Variants in GRIK2 observed in about 807,000 individuals in gnomAD.
GRIK2 encodes glutamate ionotropic receptor kainate type subunit 2.
In GRIK2, 32 loss-of-function variants were observed where a neutral mutation model predicts 100.3. That is an observed-to-expected ratio of 0.32 (90% CI 0.24 to 0.43). GRIK2 has a LOEUF of 0.43. Ranked by LOEUF, GRIK2 falls within the 20% of genes least tolerant of loss-of-function variation. The pLI is 1.00. For synonymous variants in GRIK2, 417 were observed against 389.4 expected (o/e 1.07, Z -0.83); for missense variants, 843 against 1,114.9 (o/e 0.76, Z 3.47).
chr6:101,876,952 T>C (rs975429621), intron 11 of GRIK2, among the ~76,000 whole-genome samples: 10 of 151,952 alleles, frequency 6.6e-5, no homozygotes, highest in African/African-American at 1.9e-4. Flanking sequence ...TGTTATGGTT[T>C]GTCATAACAG....
intron 16 of GRIK2, chr6:102,065,981 C>T: frequency 9.8e-7 from 1 of 1,019,146 alleles, no homozygotes; most frequent in Non-Finnish European, 1.3e-6. Context: ...TGTCAGGTGC[C>T]ACATAAATCC....
intron 7 of GRIK2, among the ~76,000 whole-genome samples, chr6:101,795,933 C>T (rs549514523): frequency 3.9e-5 from 6 of 152,158 alleles, no homozygotes; most frequent in Non-Finnish European, 8.8e-5. Context: ...ATAATCTCTA[C>T]CTTTTCTTAT....
intron 12 of GRIK2, among the ~76,000 whole-genome samples, chr6:101,905,300 G>A (rs1365285359): frequency 6.6e-6 from 1 of 151,484 alleles, no homozygotes; most frequent in African/African-American, 2.4e-5. Context: ...CATCCTGCAA[G>A]GCATTCACTC....
chr6:101,900,404 C>G (rs766481659), intron 12 of GRIK2, among the ~76,000 whole-genome samples: 17 of 152,062 alleles, frequency 1.1e-4, no homozygotes, highest in South Asian at 6.2e-4. Context: ...GCAGAGGTAG[C>G]GGTGAGCCGA....
intron 10 of GRIK2, among the ~76,000 whole-genome samples, chr6:101,847,488 T>C (rs1020931914): frequency 2.8e-4 from 43 of 152,178 alleles, no homozygotes; most frequent in Non-Finnish European, 1.0e-4. Context: ...GTCTGTATTT[T>C]TTGTTCTGGG....
At chr6:101,852,777 G>A (rs535961076) in intron 10 of GRIK2, among the ~76,000 whole-genome samples, 2 of 152,224 alleles carry the variant, frequency 1.3e-5, no homozygotes, top group South Asian at 4.1e-4. Flanking sequence ...TCACCACAGG[G>A]CTTCTTCCCT....
chr6:101,417,321 A>G lies in GRIK2; in HGVS notation c.115+17929A>G, dbSNP rs143289363. On this transcript the variant is annotated intron_variant, in intron 2 of 16. Coordinates refer to ENST00000369134, the MANE Select transcript of GRIK2 (RefSeq NM_021956.5). The stretch of plus-strand genomic sequence containing the variant: ...GAGATTTGGTTGGGGACACAGCCAA[A>G]CCATATCAGTGACTTACATGTATGT... 1.8e-4 allele frequency among the ~76,000 whole-genome samples: 27 copies of G among 152,224 alleles called. No individual in the cohort carries two copies. The East Asian group carries it at 3.9e-3, about 22-fold the overall frequency.
chr6:101,519,902 G>A (rs1774795037), intron 2 of GRIK2, among the ~76,000 whole-genome samples: 1 of 152,008 alleles, frequency 6.6e-6, no homozygotes, highest in Non-Finnish European at 1.5e-5. Flanking sequence ...TTGATGACTT[G>A]CCTATTTGTT....
intron 10 of GRIK2, among the ~76,000 whole-genome samples, chr6:101,856,158 T>C (rs1046713730): frequency 2.0e-5 from 3 of 152,086 alleles, no homozygotes; most frequent in Admixed American, 6.6e-5. Context: ...CAAGTAGTAG[T>C]GGGGAGGTAA....
chr6:101,794,579 G>A (rs970008304), intron 7 of GRIK2, among the ~76,000 whole-genome samples: 4 of 151,418 alleles, frequency 2.6e-5, no homozygotes, highest in South Asian at 2.1e-4. Context: ...AATTTGTTTG[G>A]TTCTTTTATA....
chr6:101,676,066 C>A (rs1770815247), intron 4 of GRIK2, among the ~76,000 whole-genome samples: 1 of 152,108 alleles, frequency 6.6e-6, no homozygotes, highest in Non-Finnish European at 1.5e-5. Context: ...ATAATAATCA[C>A]TGACTTACAA....
chr6:101,673,209 G>T (rs1410736714), intron 4 of GRIK2, among the ~76,000 whole-genome samples: 1 of 152,120 alleles, frequency 6.6e-6, no homozygotes, highest in Admixed American at 6.6e-5. Context: ...GACATGAAAA[G>T]ACACTTCCAA....
At chr6:101,420,045 TTAA>T (rs1554196974) in intron 2 of GRIK2, among the ~76,000 whole-genome samples, 1 of 152,200 alleles carries the variant, frequency 6.6e-6, no homozygotes, top group Non-Finnish European at 1.5e-5. Flanking sequence ...AACAGTGAAA[TTAA>T]TAATGATGAT....
At chr6:102,033,071 C>T (rs1770081858) in intron 14 of GRIK2, among the ~76,000 whole-genome samples, 1 of 151,104 alleles carries the variant, frequency 6.6e-6, no homozygotes, top group Non-Finnish European at 1.5e-5. Context: ...TCATTAACAT[C>T]ATTGTGTTTT....
chr6:101,903,647 A>T (rs999430625), intron 12 of GRIK2, among the ~76,000 whole-genome samples: 2 of 151,604 alleles, frequency 1.3e-5, no homozygotes, highest in Non-Finnish European at 3.0e-5. Flanking sequence ...ATGAATCATT[A>T]CTCTAATATT....
chr6:101,614,325 A>G (rs537110837), intron 2 of GRIK2, among the ~76,000 whole-genome samples: 1 of 151,878 alleles, frequency 6.6e-6, no homozygotes, highest in Non-Finnish European at 1.5e-5. Flanking sequence ...TTTTAAACAT[A>G]CAGAAAAGTT....
intron 4 of GRIK2, among the ~76,000 whole-genome samples, chr6:101,675,519 A>G (rs1231471711): frequency 6.6e-6 from 1 of 152,084 alleles, no homozygotes; most frequent in African/African-American, 2.4e-5. Context: ...GCTTCATTTG[A>G]TCCAAGCTGC....
At chr6:101,718,987 G>A (rs1189346615) in intron 7 of GRIK2, among the ~76,000 whole-genome samples, 1 of 151,730 alleles carries the variant, frequency 6.6e-6, no homozygotes, top group African/African-American at 2.4e-5. Context: ...GATATATAAA[G>A]CATATATTTA....
chr6:101,475,936 G>A (rs1447584426), intron 2 of GRIK2, among the ~76,000 whole-genome samples: 1 of 151,980 alleles, frequency 6.6e-6, no homozygotes, highest in Non-Finnish European at 1.5e-5. Context: ...TAGATGCTAG[G>A]TAAATATATA....
Sources: gnomAD v4.1 joint callset for allele counts (sites outside exome capture counted in the v4.1 genomes callset) on GRCh38, gnomAD v4.1.1 for gene constraint, MANE v1.5 for transcripts, NCBI Gene and HGNC (gene_info 2026-07-23, HGNC 2026-07-21) for gene names.